Variants in EGFL7 observed in about 807,000 individuals in gnomAD.
The protein encoded by EGFL7 is epidermal growth factor-like protein 7.
Under a neutral mutation model 37.1 loss-of-function variants are expected in EGFL7, and 48 were observed. The observed-to-expected ratio is 1.29, with a 90% CI of 1.03 to 1.65. The LOEUF is 1.65. EGFL7 is among the 40% of genes most tolerant of loss of function. The pLI is 0.00. For synonymous variants in EGFL7, 180 were observed against 156.8 expected (o/e 1.15, Z -1.10); for missense variants, 384 against 378.9 (o/e 1.01, Z -0.11).
intron 3 of EGFL7, among the ~76,000 whole-genome samples, chr9:136,667,472 C>A (rs924062240): frequency 2.0e-5 from 3 of 152,342 alleles, no homozygotes; most frequent in African/African-American, 7.2e-5. Flanking sequence ...CTCATGCTCT[C>A]AGGAAGCCTC....
upstream of EGFL7, among the ~76,000 whole-genome samples, chr9:136,661,926 G>A (rs1371320396): frequency 7.9e-5 from 12 of 152,212 alleles, 1 homozygote; most frequent in Admixed American, 7.8e-4. Flanking sequence ...CGGACAGCGG[G>A]GTTGGGAGAG....
At position 136,668,342 on chromosome 9, in the gene EGFL7, A is replaced by G. The variant is rs752313482; in HGVS notation, c.60A>G (p.Thr20=). The change falls in exon 4 of 11, where the codon ACA becomes ACG. Residue 20 remains threonine, a synonymous_variant. Transcript: ENST00000308874. The stretch of plus-strand genomic sequence containing the variant: ...TTCTGGTGTTGGCAGTGGGCGGCAC[A>G]GAGCACGCCTACCGGCCCGGGTGAG... ...MWLLVLAVGG[T]EHAYRPGRRV... The G allele has an allele frequency of 1.0e-5, 16 of 1,604,026 alleles. No homozygotes were observed. The highest frequency in any genetic ancestry group is 1.7e-4 in the Middle Eastern group (1 of 5,944).
chr9:136,665,974 G>A (rs1383463710), intron 3 of EGFL7, among the ~76,000 whole-genome samples: 1 of 146,174 alleles, frequency 6.8e-6, no homozygotes, highest in African/African-American at 2.5e-5. Flanking sequence ...CGCTGGGGCC[G>A]GGGGCGGAGC....
At chr9:136,670,805 C>T (rs1845805731) in intron 8 of EGFL7, 145 bp from the exon 9 acceptor site, 2 of 821,172 alleles carry the variant, frequency 2.4e-6, no homozygotes, top group African/African-American at 3.4e-5. Context: ...CCTGAGACCT[C>T]TGGCCAGCGC....
chr9:136,661,868 A>G (rs773463795), upstream of EGFL7, among the ~76,000 whole-genome samples: 2 of 152,188 alleles, frequency 1.3e-5, no homozygotes, highest in Admixed American at 6.5e-5. Flanking sequence ...GGGGTGTCCC[A>G]GGCATCAGGC....
Position 136,668,599 on chromosome 9 carries a change from C to A in EGFL7, c.123C>A (p.Ser41=), listed in dbSNP as rs1231104718. 3.7e-5 allele frequency: 60 copies of A among 1,608,582 alleles called. No individual in the cohort carries two copies. The highest frequency in any genetic ancestry group is 4.9e-5 in the Non-Finnish European group (58 of 1,179,786). ...TCCGGGCTCACGGGGACCCTGTCTCCGAGTCGTTCGTGCAGCGTGTGTACC... is the reference window on the plus strand; with the variant it reads ...TCCGGGCTCACGGGGACCCTGTCTCAGAGTCGTTCGTGCAGCGTGTGTACC... ...CAVRAHGDPV[S]ESFVQRVYQP... Residue 41 remains serine, a synonymous_variant, in exon 5 of 11, where the codon TCC becomes TCA. Transcript: ENST00000308874.
chr9:136,659,889 A>G (rs571472288), upstream of EGFL7, among the ~76,000 whole-genome samples: 54 of 151,414 alleles, frequency 3.6e-4, no homozygotes, highest in African/African-American at 1.3e-3. Flanking sequence ...GGGTGGCCAC[A>G]CTCTCCCACC....
chr9:136,671,304 T>C (rs548635138), intron 9 of EGFL7, among the ~76,000 whole-genome samples: 1 of 134,894 alleles, frequency 7.4e-6, no homozygotes, highest in African/African-American at 2.6e-5. Context: ...CAGTCCAGGG[T>C]GGACCTGCTG....
chr9:136,662,319 C>T (rs1332793), upstream of EGFL7, among the ~76,000 whole-genome samples: 84,885 of 152,006 alleles, frequency 0.56, 24,627 homozygotes, highest in East Asian at 0.7. Context: ...CCCCTCCCGT[C>T]ACCCCCTCAC....
Position 136,666,127 on chromosome 9 carries a change from G to C in EGFL7, c.-43+1342G>C, listed in dbSNP as rs1372967215. 6.8e-6 allele frequency among the ~76,000 whole-genome samples: 1 copy of C among 147,286 alleles called. No homozygotes were observed. The highest frequency in any genetic ancestry group is 2.2e-4 in the South Asian group (1 of 4,572). ...GTCGCCGCGGCCCCTCGTCCGACCC[G>C]GCGCGACTCAGCGCCTCGGGGCCCA... On this transcript the variant is annotated intron_variant, in intron 3 of 10. Coordinates refer to ENST00000308874, the MANE Select transcript of EGFL7 (RefSeq NM_016215.5). The surrounding 1 kb of genome is among the most constrained non-coding windows in gnomAD (Gnocchi z 6.8).
intron 3 of EGFL7, among the ~76,000 whole-genome samples, chr9:136,665,153 C>T (rs1178370598): frequency 1.3e-5 from 2 of 152,212 alleles, no homozygotes; most frequent in Non-Finnish European, 2.9e-5. Flanking sequence ...CCAGTGACCC[C>T]GGTGAGGGTG....
rs1403193757 is a variant in EGFL7, at chr9:136,666,876, C to T, written c.-42-1365C>T. 6.6e-6 allele frequency among the ~76,000 whole-genome samples: 1 copy of T among 152,176 alleles called. No homozygotes were observed. Among genetic ancestry groups the T allele is most frequent in the Non-Finnish European group, 1.5e-5 (1 of 68,034 alleles). On this transcript the variant is annotated intron_variant, in intron 3 of 10. Coordinates refer to ENST00000308874, the MANE Select transcript of EGFL7 (RefSeq NM_016215.5). The surrounding 1 kb of genome is among the most constrained non-coding windows in gnomAD (Gnocchi z 6.8). ...AGTTAATCTCCAGCCAGCTCTGCCC[C>T]CTCGACAAACTCCTGCCCAAAAACT...
In EGFL7 at chr9:136,672,191, G is replaced by A. The variant is rs373919306; in HGVS notation, c.800-73G>A. On this transcript the variant is annotated intron_variant, in intron 10 of 10. Transcript: ENST00000308874. ...GTCGGGGGCGACCAAAGGCCAAGGG[G>A]CCAGTCAGATCTAGCTGGGCGGGGA... The A allele has an allele frequency of 1.2e-4, 191 of 1,610,612 alleles. No individual in the cohort carries two copies. In the African/African-American group the frequency reaches 2.3e-3, roughly 20 times the overall value.
intron 3 of EGFL7, among the ~76,000 whole-genome samples, chr9:136,665,593 G>A (rs1239401388): frequency 6.6e-6 from 1 of 152,090 alleles, no homozygotes; most frequent in African/African-American, 2.4e-5. Context: ...GGCGGGCCGC[G>A]GCTCAGAGGC....
Position 136,670,197 on chromosome 9 carries a change from CG to C in EGFL7, c.440del (p.Gly147AlafsTer50). The C allele has an allele frequency of 6.2e-7, 1 of 1,612,606 alleles. No homozygotes were observed. The highest frequency in any genetic ancestry group is 8.5e-7 in the Non-Finnish European group (1 of 1,179,840). ...TGGATGAATGCAGTGCTAGGAGGGGCGGCTGTCCCCAGCGCTGCGTCAACAC... is the reference window on the plus strand; with the variant it reads ...TGGATGAATGCAGTGCTAGGAGGGGCGCTGTCCCCAGCGCTGCGTCAACAC... ...DVDECSARRGGCPQRCVNTAG... is the reference protein window; with the variant it reads ...DVDECSARRGXCPQRCVNTAG... On this transcript the variant is annotated frameshift_variant, in exon 8 of 11. Transcript: ENST00000308874. LOFTEE classifies it high-confidence loss of function.
chr9:136,666,743 C>A lies in EGFL7; in HGVS notation c.-42-1498C>A, dbSNP rs929468702. ...AAGCCGCCGGGCCGCTGCCCTACCT[C>A]TTCCTTCCCGGGTCCCACTCCCCAA... On this transcript the variant is annotated intron_variant, in intron 3 of 10. Transcript: ENST00000308874. This position sits in a 1 kb window ranked among gnomAD's most constrained non-coding sequence, Gnocchi z 6.8. Among the ~76,000 whole-genome samples the A allele has an allele frequency of 1.5e-4, 23 of 152,128 alleles. No individual in the cohort carries two copies. Among genetic ancestry groups the A allele is most frequent in the Admixed American group, 2.6e-4 (4 of 15,280 alleles).
At position 136,670,302 on chromosome 9, in the gene EGFL7, GC is replaced by G; in HGVS notation, c.549del (p.Arg184GlyfsTer13). The G allele has an allele frequency of 6.3e-7, 1 of 1,595,846 alleles. No homozygotes were observed. The highest frequency in any genetic ancestry group is 8.6e-7 in the Non-Finnish European group (1 of 1,168,924). ...GTACACTCTGTGTGCCCAAGGGAGGGCCCCCCAGGGTGGCCCCCAACCCGAC... is the reference window on the plus strand; with the variant it reads ...GTACACTCTGTGTGCCCAAGGGAGGGCCCCCAGGGTGGCCCCCAACCCGAC... ...DGTLCVPKGG[P>X]PRVAPNPTGV... On this transcript the variant is annotated frameshift_variant, in exon 8 of 11. Coordinates refer to ENST00000308874, the MANE Select transcript of EGFL7 (RefSeq NM_016215.5). LOFTEE classifies it high-confidence loss of function.
intron 4 of EGFL7, 35 bp from the exon 5 acceptor site, chr9:136,668,522 G>C (rs375443368): frequency 1.5e-4 from 247 of 1,594,674 alleles, no homozygotes; most frequent in Non-Finnish European, 2.0e-4. Flanking sequence ...TCCTGCTCTG[G>C]GACTCCTGGG....
At chr9:136,668,467 C>T in intron 4 of EGFL7, 90 bp from the exon 5 acceptor site, 1 of 1,528,268 alleles carries the variant, frequency 6.5e-7, no homozygotes, top group Non-Finnish European at 8.9e-7. Flanking sequence ...CTGGGGGCTC[C>T]TGCTGAGGGT....
Sources: gnomAD v4.1 joint callset for allele counts (sites outside exome capture counted in the v4.1 genomes callset) on GRCh38, gnomAD v4.1.1 for gene constraint, Gnocchi (gnomAD v3.1) non-coding constraint, MANE v1.5 for transcripts, NCBI Gene and HGNC (gene_info 2026-07-23, HGNC 2026-07-21) for gene names.